Variants in ABR observed in about 807,000 individuals in gnomAD.
ABR encodes ABR activator of RhoGEF and GTPase, also known as active breakpoint cluster region-related protein.
A neutral mutation model predicts 107.2 loss-of-function variants in ABR; 35 were observed. The ratio of observed to expected loss-of-function variants is 0.33; its 90% CI spans 0.25 to 0.43. The LOEUF (loss-of-function observed/expected upper bound fraction) is 0.43. Among genes scored for constraint, ABR ranks in the 20% least tolerant of loss-of-function variants. The probability of loss-of-function intolerance (pLI) is 1.00; values close to 1 mark genes in which losing one functional copy is unlikely to be tolerated. For synonymous variants in ABR, 498 were observed against 462.0 expected (o/e 1.08, Z -1.00); for missense variants, 815 against 1,115.2 (o/e 0.73, Z 3.83).
At chr17:1,029,108 A>G (rs1353571808) in intron 16 of ABR, among the ~76,000 whole-genome samples, 1 of 151,982 alleles carries the variant, frequency 6.6e-6, no homozygotes, top group South Asian at 2.1e-4. Flanking sequence ...GAGGCAAAAA[A>G]AAAAAAAAAC....
chr17:1,079,270 T>A, intron 6 of ABR, 60 bp downstream of exon 6: 1 of 1,581,466 alleles, frequency 6.3e-7, no homozygotes. Flanking sequence ...TCACGCAGCC[T>A]GTTGCCTGCA....
chr17:1,219,899 A>G (rs1283385582), intron 1 of ABR, among the ~76,000 whole-genome samples: 1 of 151,814 alleles, frequency 6.6e-6, no homozygotes, highest in Admixed American at 6.6e-5. Flanking sequence ...TAAAAATTCA[A>G]CGTGACAGCG....
chr17:1,170,838 C>CA (rs1364451719), intron 1 of ABR, among the ~76,000 whole-genome samples: 2 of 152,088 alleles, frequency 1.3e-5, no homozygotes, highest in Non-Finnish European at 2.9e-5. Flanking sequence ...CTGGGAGACC[C>CA]AAGGATGAGG....
At chr17:1,161,244 C>T (rs910771415) in intron 1 of ABR, among the ~76,000 whole-genome samples, 31 of 151,224 alleles carry the variant, frequency 2.0e-4, no homozygotes, top group African/African-American at 7.3e-4. Context: ...CCCACAAGTC[C>T]AGTCTTTTTT....
Position 1,010,066 on chromosome 17 carries a change from G to A in ABR, c.2237-282C>T, listed in dbSNP as rs529623636. On this transcript the variant is annotated intron_variant, in intron 20 of 22. Transcript: ENST00000302538. The surrounding 1 kb of genome is among the most constrained non-coding windows in gnomAD (Gnocchi z 4.1). The stretch of plus-strand genomic sequence containing the variant: ...GGCCTTGGGTGCTGGGGCATCCCCT[G>A]TCTCGTAACAGGACACCCCCTGGTC... 3 of 538,574 alleles carry A rather than the reference G, an allele frequency of 5.6e-6. No homozygotes were observed. Among genetic ancestry groups the A allele is most frequent in the African/African-American group, 3.8e-5 (2 of 52,860 alleles). 33.4% of individuals were successfully genotyped at this position (538,574 alleles called of 1,614,324 possible). A position where few individuals can be genotyped will look rare whatever the true frequency, so the allele number is the denominator to read the frequency against.
chr17:1,164,797 G>C (rs2041442820), intron 1 of ABR, among the ~76,000 whole-genome samples: 1 of 152,076 alleles, frequency 6.6e-6, no homozygotes, highest in South Asian at 2.1e-4. Flanking sequence ...CTCCGTAGGA[G>C]CTGGGACTAC....
intron 1 of ABR, among the ~76,000 whole-genome samples, chr17:1,204,178 C>G (rs2042743812): frequency 6.6e-6 from 1 of 152,226 alleles, no homozygotes; most frequent in South Asian, 2.1e-4. Context: ...GGCGCGGTGG[C>G]TCAGGCCTGT....
At chr17:1,073,083 G>A (rs958636687) in intron 7 of ABR, among the ~76,000 whole-genome samples, 7 of 151,584 alleles carry the variant, frequency 4.6e-5, no homozygotes, top group African/African-American at 1.5e-4. Context: ...GGGAGGCTGA[G>A]GCAGGAGAAT....
intron 10 of ABR, among the ~76,000 whole-genome samples, chr17:1,059,722 C>T (rs2033716879): frequency 6.6e-6 from 1 of 152,230 alleles, no homozygotes; most frequent in Non-Finnish European, 1.5e-5. Flanking sequence ...TTTTATTAAC[C>T]ACCATTATGC....
intron 9 of ABR, among the ~76,000 whole-genome samples, chr17:1,069,228 G>A (rs1028172823): frequency 2.6e-5 from 4 of 152,162 alleles, no homozygotes; most frequent in Non-Finnish European, 5.9e-5. Context: ...AGGAAGCAGC[G>A]CGGCAGGAGT....
chr17:1,056,177 G>T (rs544229773), intron 13 of ABR, 68 bp from the exon 14 acceptor site: 8 of 1,381,976 alleles, frequency 5.8e-6, no homozygotes, highest in African/African-American at 1.4e-5. Flanking sequence ...ACCCCAGGCC[G>T]GCGGGAGGCA....
At chr17:1,224,449 G>A (rs62088686) in intron 1 of ABR, among the ~76,000 whole-genome samples, 3 of 152,126 alleles carry the variant, frequency 2.0e-5, no homozygotes, top group African/African-American at 7.2e-5. Flanking sequence ...GAGGCCTCAC[G>A]TGTTCTCTCT....
At position 1,148,228 on chromosome 17, in the gene ABR, C is replaced by T. The variant is rs1332584065; in HGVS notation, c.62-22861G>A. Among the ~76,000 whole-genome samples, 1 of 152,248 alleles carries T rather than the reference C, an allele frequency of 6.6e-6. No individual in the cohort carries two copies. Among genetic ancestry groups the T allele is most frequent in the African/African-American group, 2.4e-5 (1 of 41,468 alleles). On this transcript the variant is annotated intron_variant, in intron 1 of 22. Transcript: ENST00000302538. The surrounding 1 kb of genome is among the most constrained non-coding windows in gnomAD (Gnocchi z 4.9). Reference sequence around the variant, plus strand: ...TGGGTGGATGAATGGATACACAAAACGCGGCCTTTACATAAAACGGATATT... The same window carrying T: ...TGGGTGGATGAATGGATACACAAAATGCGGCCTTTACATAAAACGGATATT...
chr17:1,132,450 C>A (rs1239642110), intron 1 of ABR, among the ~76,000 whole-genome samples: 1 of 148,302 alleles, frequency 6.7e-6, no homozygotes, highest in Non-Finnish European at 1.5e-5. Flanking sequence ...ACGATCTCAG[C>A]TCACTGCAAC....
At chr17:1,021,881 G>A (rs1312914211) in intron 16 of ABR, among the ~76,000 whole-genome samples, 13 of 138,332 alleles carry the variant, frequency 9.4e-5, no homozygotes, top group African/African-American at 2.7e-4. Context: ...ACTCCCAGCC[G>A]GGCGCGGTGG....
In ABR at chr17:1,071,228, G is replaced by A. The variant is rs1028232503; in HGVS notation, c.895-1138C>T. Reference sequence around the variant, plus strand: ...TCTGGAGATTTTTCAGATATCCCCAGAGTAAAACAGACGACGGGATCCCCA... The same window carrying A: ...TCTGGAGATTTTTCAGATATCCCCAAAGTAAAACAGACGACGGGATCCCCA... On this transcript the variant is annotated intron_variant, in intron 8 of 22. Coordinates refer to ENST00000302538, the MANE Select transcript of ABR (RefSeq NM_021962.5). This position sits in a 1 kb window ranked among gnomAD's most constrained non-coding sequence, Gnocchi z 5.1. Among the ~76,000 whole-genome samples the A allele has an allele frequency of 1.3e-5, 2 of 152,138 alleles. No individual in the cohort carries two copies. Among genetic ancestry groups the A allele is most frequent in the African/African-American group, 4.8e-5 (2 of 41,438 alleles).
chr17:1,108,903 C>A (rs547570330), intron 2 of ABR: 23 of 1,563,156 alleles, frequency 1.5e-5, no homozygotes, highest in African/African-American at 5.6e-5. Flanking sequence ...GCCCGGCCCC[C>A]CCCAGCGCCC....
chr17:1,157,365 C>T lies in ABR; in HGVS notation c.61+22302G>A, dbSNP rs2041086293. On this transcript the variant is annotated intron_variant, in intron 1 of 22. Transcript: ENST00000302538. The surrounding 1 kb of genome is among the most constrained non-coding windows in gnomAD (Gnocchi z 4.7). Reference sequence around the variant, plus strand: ...TCCCGGGTTCAAGTAATTCTCCTGCCTCAGCCTCCCAAATAGCTGGGATTA... The same window carrying T: ...TCCCGGGTTCAAGTAATTCTCCTGCTTCAGCCTCCCAAATAGCTGGGATTA... 1.3e-5 allele frequency among the ~76,000 whole-genome samples: 2 copies of T among 151,890 alleles called. No homozygotes were observed. Among genetic ancestry groups the T allele is most frequent in the South Asian group, 4.1e-4 (2 of 4,824 alleles).
At chr17:1,029,102 C>G (rs1308609507) in intron 16 of ABR, among the ~76,000 whole-genome samples, 1 of 126,900 alleles carries the variant, frequency 7.9e-6, no homozygotes, top group African/African-American at 2.9e-5. Context: ...TGATTTGAGG[C>G]AAAAAAAAAA....
Sources: gnomAD v4.1 joint callset for allele counts (sites outside exome capture counted in the v4.1 genomes callset) on GRCh38, gnomAD v4.1.1 for gene constraint, Gnocchi (gnomAD v3.1) non-coding constraint, MANE v1.5 for transcripts, NCBI Gene and HGNC (gene_info 2026-07-23, HGNC 2026-07-21) for gene names.